Variants in LSG1 observed in about 807,000 individuals in gnomAD.
LSG1 encodes the protein large subunit GTPase 1 homolog.
LSG1 carries 55 observed loss-of-function variants against 82.6 expected under a neutral mutation model. That is an observed-to-expected ratio of 0.67 (90% CI 0.54 to 0.83). LSG1 has a LOEUF of 0.83. Ranked by LOEUF, LSG1 falls within the 40% of genes least tolerant of loss-of-function variation. The probability of loss-of-function intolerance (pLI) is 0.00; values close to 1 mark genes in which losing one functional copy is unlikely to be tolerated. For synonymous variants in LSG1, 272 were observed against 282.5 expected (o/e 0.96, Z 0.37); for missense variants, 809 against 807.9 (o/e 1.00, Z -0.02).
rs376906712 is a variant in LSG1 at position 194,653,161 on chromosome 3, C to T, written c.760-19G>A. 62 of 1,604,000 alleles carry T rather than the reference C, an allele frequency of 3.9e-5. No individual in the cohort carries two copies. In the African/African-American group the frequency reaches 5.1e-4, roughly 13 times the overall value. On this transcript the variant is annotated intron_variant, in intron 7 of 13. Transcript: ENST00000265245. ...CCTCTTCCTGACAAAATAATAGAAA[C>T]GCTCAGAAGTATATAACTGCAGTTT...
Position 194,672,127 on chromosome 3 carries a change from C to G in LSG1, c.36G>C (p.Leu12=), listed in dbSNP as rs781704159. Residue 12 remains leucine, a synonymous_variant, in exon 1 of 14, where the codon CTG becomes CTC. Transcript: ENST00000265245. ...GRRRAPAGGS[L]GRALMRHQTQ... ...TCTGATGGCGCATAAGGGCCCGTCC[C>G]AGCGACCCACCGGCCGGGGCTCTCC... The G allele has an allele frequency of 1.2e-5, 20 of 1,606,992 alleles. No homozygotes were observed. Among genetic ancestry groups the G allele is most frequent in the Non-Finnish European group, 1.4e-5 (16 of 1,179,988 alleles).
intron 4 of LSG1, 69 bp from the exon 5 acceptor site, chr3:194,665,712 T>C: frequency 1.2e-6 from 1 of 814,290 alleles, no homozygotes; most frequent in East Asian, 2.5e-5. Flanking sequence ...GTGTAAATGC[T>C]CAAATTTATT....
chr3:194,667,661 C>T (rs1008916129), intron 2 of LSG1, among the ~76,000 whole-genome samples: 1 of 151,692 alleles, frequency 6.6e-6, no homozygotes, highest in Admixed American at 6.6e-5. Flanking sequence ...CGGTGGCTCA[C>T]GTCTGTAATC....
chr3:194,644,435 T>G, intron 13 of LSG1, 138 bp downstream of exon 13: 1 of 330,236 alleles, frequency 3.0e-6, no homozygotes, highest in Non-Finnish European at 5.4e-6. Context: ...AGGTTTCTTT[T>G]GGGAATTATT....
At chr3:194,644,897 C>G in intron 12 of LSG1, 151 bp from the exon 13 acceptor site, 1 of 504,376 alleles carries the variant, frequency 2.0e-6, no homozygotes, top group Non-Finnish European at 3.4e-6. Flanking sequence ...GCTGAAGAGT[C>G]CTTTTTCTAA....
At chr3:194,652,638 G>T in intron 8 of LSG1, 91 bp downstream of exon 8, 1 of 1,389,452 alleles carries the variant, frequency 7.2e-7, no homozygotes, top group Non-Finnish European at 9.9e-7. Context: ...GATGCCGGAA[G>T]CCTGGTTGGT....
At chr3:194,660,931 T>G (rs1169478476) in intron 5 of LSG1, 4 of 456,268 alleles carry the variant, frequency 8.8e-6, no homozygotes, top group African/African-American at 2.0e-5. Flanking sequence ...GGCTCCTCCC[T>G]TCCTTCAGCC....
rs778763415 is a variant in LSG1 at position 194,653,033 on chromosome 3, T to A, written c.869A>T (p.Asp290Val). ...GGGATTTTCACTAAGTGAAGGAGAA[T>A]CCCTAGCTGGGAGATGTTCGGATTC... The part of the protein sequence containing the change: ...HSESEHLPAR[D>V]SPSLSENPTT... The change falls in exon 8 of 14, where the codon GAT becomes GTT. Residue 290 changes from aspartate to valine, a missense_variant. Coordinates refer to ENST00000265245, the MANE Select transcript of LSG1 (RefSeq NM_018385.3). 19 of 1,614,068 alleles carry A rather than the reference T, an allele frequency of 1.2e-5. No individual in the cohort carries two copies. The highest frequency in any genetic ancestry group is 8.8e-5 in the South Asian group (8 of 91,090).
chr3:194,662,626 G>T (rs1289667332), intron 5 of LSG1, among the ~76,000 whole-genome samples: 1 of 152,198 alleles, frequency 6.6e-6, no homozygotes, highest in African/African-American at 2.4e-5. Flanking sequence ...GCCGGGCGTG[G>T]TGGCGCGTGC....
At chr3:194,655,505 G>A (rs1309461012) in intron 7 of LSG1, among the ~76,000 whole-genome samples, 1 of 152,176 alleles carries the variant, frequency 6.6e-6, no homozygotes, top group African/African-American at 2.4e-5. Flanking sequence ...AGAATGGTAA[G>A]TATCTATACT....
intron 5 of LSG1, among the ~76,000 whole-genome samples, chr3:194,662,127 T>C (rs748867327): frequency 9.9e-5 from 15 of 152,228 alleles, no homozygotes; most frequent in Non-Finnish European, 1.8e-4. Flanking sequence ...ACATCAGCTC[T>C]ATCTCTCCAG....
chr3:194,646,152 G>A lies in LSG1; in HGVS notation c.1623+12C>T, dbSNP rs199503299. 6.1e-4 allele frequency: 977 copies of A among 1,613,264 alleles called. 4 individuals carry two copies. The highest frequency in any genetic ancestry group is 6.2e-4 in the South Asian group (56 of 91,044). ...TGTGTATTGGAGAGCATGAGAGGCAGGGTTCACTTACACTGACATAGTCCT... is the reference window on the plus strand; with the variant it reads ...TGTGTATTGGAGAGCATGAGAGGCAAGGTTCACTTACACTGACATAGTCCT... On this transcript the variant is annotated intron_variant, in intron 12 of 13. Coordinates refer to ENST00000265245, the MANE Select transcript of LSG1 (RefSeq NM_018385.3).
intron 8 of LSG1, 192 bp from the exon 9 acceptor site, chr3:194,651,408 C>G (rs563400212): frequency 1.7e-6 from 1 of 583,498 alleles, no homozygotes; most frequent in South Asian, 2.1e-5. Flanking sequence ...GACACATCTC[C>G]AGTGACAAAT....
At chr3:194,658,194 C>T (rs1718846473) in intron 7 of LSG1, among the ~76,000 whole-genome samples, 1 of 152,186 alleles carries the variant, frequency 6.6e-6, no homozygotes, top group African/African-American at 2.4e-5. Context: ...GTTGCCCAGG[C>T]TGGAGTGCAC....
Position 194,666,308 on chromosome 3 carries a change from GA to G in LSG1, c.348-20del, listed in dbSNP as rs1252528502. 1.3e-5 allele frequency: 21 copies of G among 1,609,320 alleles called. No individual in the cohort carries two copies. The highest frequency in any genetic ancestry group is 4.0e-5 in the African/African-American group (3 of 74,482). On this transcript the variant is annotated intron_variant, in intron 3 of 13. Transcript: ENST00000265245. ...GTTTGGTCTGAAACAATCATAGAAGGAAAAAAATTCCTCATATAAGTAACCA... is the reference window on the plus strand; with the variant it reads ...GTTTGGTCTGAAACAATCATAGAAGGAAAAAATTCCTCATATAAGTAACCA...
chr3:194,648,075 ATTT>A (rs990548703), intron 11 of LSG1, among the ~76,000 whole-genome samples: 2,176 of 117,864 alleles, frequency 0.018, 18 homozygotes, highest in African/African-American at 0.03. Flanking sequence ...CCACACTGCT[ATTT>A]TTTTTTTTTT....
chr3:194,651,191 C>T lies in LSG1; in HGVS notation c.1199G>A (p.Ser400Asn). The T allele has an allele frequency of 6.2e-7, 1 of 1,614,120 alleles. No homozygotes were observed. Among genetic ancestry groups the T allele is most frequent in the Non-Finnish European group, 8.5e-7 (1 of 1,179,978 alleles). Residue 400 changes from serine to asparagine, a missense_variant, in exon 9 of 14, where the codon AGT becomes AAT. Ser to Asn is a conservative substitution (Grantham distance 46, BLOSUM62 1). Coordinates refer to ENST00000265245, the MANE Select transcript of LSG1 (RefSeq NM_018385.3). ...GLVGYPNVGKSSTINTIMGNK... is the reference protein window; with the variant it reads ...GLVGYPNVGKNSTINTIMGNK... ...GCCCATGATGGTGTTGATTGTTGAA[C>T]TCTTACCAACATTAGGGTAGCCCAC... is the stretch of plus-strand genomic sequence containing the variant.
At chr3:194,667,702 T>C (rs1178086838) in intron 2 of LSG1, among the ~76,000 whole-genome samples, 1 of 151,204 alleles carries the variant, frequency 6.6e-6, no homozygotes, top group East Asian at 2.0e-4. Flanking sequence ...GGTGGGCGGA[T>C]CACAAGGTCA....
intron 5 of LSG1, chr3:194,660,629 T>C: frequency 3.2e-6 from 1 of 314,412 alleles, no homozygotes; most frequent in Non-Finnish European, 6.4e-6. Flanking sequence ...GAAGCTAGTA[T>C]CTTATTTAAA....
Sources: allele counts gnomAD v4.1 joint callset (sites outside exome capture counted in the v4.1 genomes callset), GRCh38; gene constraint gnomAD v4.1.1; transcripts MANE v1.5; gene names NCBI Gene and HGNC (gene_info 2026-07-23, HGNC 2026-07-21).